Variants in DNER observed in about 807,000 individuals in gnomAD.
DNER encodes delta and Notch-like epidermal growth factor-related receptor.
A neutral mutation model predicts 78.2 loss-of-function variants in DNER; 33 were observed. The observed-to-expected ratio is 0.42, with a 90% CI of 0.32 to 0.56. DNER has a LOEUF of 0.56. Among genes scored for constraint, DNER ranks in the 20% least tolerant of loss-of-function variants. The probability of loss-of-function intolerance (pLI) is 0.11; values close to 1 mark genes in which losing one functional copy is unlikely to be tolerated. For synonymous variants in DNER, 417 were observed against 384.8 expected, an observed-to-expected ratio of 1.08 and a Z score of -0.98; for missense variants, 918 against 975.3, an observed-to-expected ratio of 0.94 and a Z score of 0.78.
chr2:229,367,080 G>A lies in DNER; in HGVS notation c.1895C>T (p.Thr632Ile). ...WKSGHMAESL[T>I]NMPRHSLYII... ...GTAGAGGGAGTGCCGTGGCATGTTG[G>A]TGAGGCTCTCCGCCATGTGCCCGGA... The change falls in exon 12 of 13, where the codon ACC becomes ATC. Residue 632 changes from threonine (T) to isoleucine (I), a missense_variant. Coordinates refer to ENST00000341772, the MANE Select transcript of DNER (RefSeq NM_139072.4). 6.2e-7 allele frequency: 1 copy of A among 1,614,128 alleles called. No individual in the cohort carries two copies. The highest frequency in any genetic ancestry group is 8.5e-7 in the Non-Finnish European group (1 of 1,180,020).
chr2:229,563,413 C>CCAT (rs376398926), intron 4 of DNER, among the ~76,000 whole-genome samples: 6 of 144,376 alleles, frequency 4.2e-5, no homozygotes, highest in African/African-American at 1.6e-4. Context: ...CACCCCATCG[C>CCAT]CATCATCATC....
intron 12 of DNER, among the ~76,000 whole-genome samples, chr2:229,364,655 C>T (rs1402931370): frequency 6.6e-6 from 1 of 152,106 alleles, no homozygotes; most frequent in East Asian, 1.9e-4. Context: ...CTCCCAAGTT[C>T]TCCCTCCCAC....
chr2:229,586,273 A>G (rs1697493402), intron 3 of DNER, among the ~76,000 whole-genome samples: 1 of 152,102 alleles, frequency 6.6e-6, no homozygotes, highest in Non-Finnish European at 1.5e-5. Flanking sequence ...GTAAAAGAGT[A>G]CACTGAGTTC....
chr2:229,509,596 C>T (rs1418653751), intron 6 of DNER, among the ~76,000 whole-genome samples: 1 of 151,330 alleles, frequency 6.6e-6, no homozygotes, highest in East Asian at 2.0e-4. Flanking sequence ...GGTAGATCTC[C>T]TGAGGTCAGG....
intron 4 of DNER, among the ~76,000 whole-genome samples, chr2:229,557,923 C>T (rs1696883180): frequency 6.6e-6 from 1 of 152,150 alleles, no homozygotes; most frequent in Non-Finnish European, 1.5e-5. Context: ...AAGACACCTA[C>T]ATGTGTACAT....
chr2:229,493,451 T>C (rs1453846165), intron 6 of DNER, among the ~76,000 whole-genome samples: 1 of 152,206 alleles, frequency 6.6e-6, no homozygotes, highest in Non-Finnish European at 1.5e-5. Flanking sequence ...AGCCATTGTG[T>C]GTTTACTATG....
intron 6 of DNER, among the ~76,000 whole-genome samples, chr2:229,510,880 T>C (rs1695853057): frequency 6.6e-6 from 1 of 152,126 alleles, no homozygotes; most frequent in Non-Finnish European, 1.5e-5. Context: ...CACTGCCAAA[T>C]GCATACTGAA....
At chr2:229,635,438 G>A (rs968670541) in intron 1 of DNER, among the ~76,000 whole-genome samples, 6 of 150,910 alleles carry the variant, frequency 4.0e-5, no homozygotes, top group Non-Finnish European at 8.8e-5. Flanking sequence ...AAGAGGGGCC[G>A]GCACACTGTA....
At chr2:229,625,002 C>T in intron 1 of DNER, among the ~76,000 whole-genome samples, 1 of 151,996 alleles carries the variant, frequency 6.6e-6, no homozygotes, top group African/African-American at 2.4e-5. Context: ...GAGGAATTCG[C>T]TATTATTTCA....
Position 229,584,074 on chromosome 2 carries a change from C to T in DNER, c.847+1784G>A, listed in dbSNP as rs895823314. The stretch of plus-strand genomic sequence containing the variant: ...GCATTTTCTTACATCCCTTTATCTT[C>T]ATTATGATATTTGCATCATATTTTG... On this transcript the variant is annotated intron_variant, in intron 4 of 12. Transcript: ENST00000341772. 2.6e-5 allele frequency among the ~76,000 whole-genome samples: 4 copies of T among 152,292 alleles called. No homozygotes were observed. The South Asian group carries it at 8.3e-4, about 32-fold the overall frequency.
chr2:229,695,244 A>G (rs1006779997), intron 1 of DNER, among the ~76,000 whole-genome samples: 1 of 152,218 alleles, frequency 6.6e-6, no homozygotes, highest in Non-Finnish European at 1.5e-5. Flanking sequence ...CTTTATTAGC[A>G]GCATGAGAAT....
intron 1 of DNER, among the ~76,000 whole-genome samples, chr2:229,603,605 A>C (rs116477474): frequency 0.014 from 2,153 of 152,222 alleles, 44 homozygotes; most frequent in Middle Eastern, 0.048. Flanking sequence ...AAGTCAGAAG[A>C]GTGATTAGCT....
intron 8 of DNER, among the ~76,000 whole-genome samples, chr2:229,446,443 G>A (rs1035502897): frequency 4.6e-5 from 7 of 152,288 alleles, no homozygotes; most frequent in Admixed American, 3.9e-4. Flanking sequence ...GTGGGGTAAC[G>A]GGGAGCACGC....
At chr2:229,572,800 A>G (rs1305377982) in intron 4 of DNER, among the ~76,000 whole-genome samples, 1 of 152,208 alleles carries the variant, frequency 6.6e-6, no homozygotes, top group Non-Finnish European at 1.5e-5. Context: ...ATCCCTCAAA[A>G]AGATGAGTAA....
chr2:229,610,005 A>C (rs1446016256), intron 1 of DNER, among the ~76,000 whole-genome samples: 2 of 152,240 alleles, frequency 1.3e-5, no homozygotes, highest in Non-Finnish European at 2.9e-5. Context: ...TCCTGCAAAA[A>C]TTATAATAGG....
chr2:229,662,393 C>G (rs1241371721), intron 1 of DNER, among the ~76,000 whole-genome samples: 2 of 152,202 alleles, frequency 1.3e-5, no homozygotes, highest in African/African-American at 4.8e-5. Context: ...TTGTTAGGTA[C>G]TATTCTAAGG....
chr2:229,570,976 T>C (rs548064546), intron 4 of DNER, among the ~76,000 whole-genome samples: 43 of 152,138 alleles, frequency 2.8e-4, no homozygotes, highest in African/African-American at 8.9e-4. Flanking sequence ...ATGAGAGCCA[T>C]TGCAGGATTG....
chr2:229,586,057 C>T (rs905602693), intron 3 of DNER, 33 bp from the exon 4 acceptor site: 8 of 1,566,748 alleles, frequency 5.1e-6, no homozygotes, highest in Non-Finnish European at 6.9e-6. Flanking sequence ...CAGAAAGCTC[C>T]TTTCAGAAAA....
At chr2:229,489,451 A>G (rs1431247836) in intron 6 of DNER, among the ~76,000 whole-genome samples, 1 of 151,416 alleles carries the variant, frequency 6.6e-6, no homozygotes, top group Non-Finnish European at 1.5e-5. Context: ...CAAGTGTGGG[A>G]TCAAAAGGAG....
Sources: gnomAD v4.1 joint callset for allele counts (sites outside exome capture counted in the v4.1 genomes callset) on GRCh38, gnomAD v4.1.1 for gene constraint, MANE v1.5 for transcripts, NCBI Gene and HGNC (gene_info 2026-07-23, HGNC 2026-07-21) for gene names.